The following CACNG7 variants were observed in gnomAD, a reference collection of about 807,000 sequenced individuals.
CACNG7 encodes voltage-dependent calcium channel gamma-7 subunit.
CACNG7 carries 9 observed loss-of-function variants against 26.3 expected under a neutral mutation model. The observed-to-expected ratio is 0.34, with a 90% confidence interval of 0.21 to 0.60. The LOEUF is 0.60. Ranked by LOEUF, CACNG7 falls within the 20% of genes least tolerant of loss-of-function variation. CACNG7 has a pLI of 0.81. For synonymous variants in CACNG7, 170 were observed against 157.0 expected, an observed-to-expected ratio of 1.08 and a Z score of -0.62; for missense variants, 297 against 380.4, an observed-to-expected ratio of 0.78 and a Z score of 1.82.
intron 4 of CACNG7, among the ~76,000 whole-genome samples, chr19:53,932,390 C>A (rs1162996418): frequency 1.3e-5 from 2 of 152,034 alleles, no homozygotes; most frequent in Non-Finnish European, 2.9e-5. Context: ...ATTGCCATGT[C>A]CTCTTCTGCA....
intron 4 of CACNG7, among the ~76,000 whole-genome samples, chr19:53,931,348 A>G (rs1299171333): frequency 2.0e-5 from 3 of 152,122 alleles, no homozygotes; most frequent in Non-Finnish European, 4.4e-5. Flanking sequence ...CTCTTTCCCT[A>G]GAACCAGGAT....
At chr19:53,935,272 A>G (rs2069097698) in intron 4 of CACNG7, among the ~76,000 whole-genome samples, 1 of 152,036 alleles carries the variant, frequency 6.6e-6, no homozygotes, top group South Asian at 2.1e-4. Flanking sequence ...ATAAAATACT[A>G]TAGCTAATAT....
chr19:53,925,506 C>A (rs1237466512), intron 4 of CACNG7, among the ~76,000 whole-genome samples: 1 of 148,904 alleles, frequency 6.7e-6, no homozygotes, highest in Non-Finnish European at 1.5e-5. Context: ...TGGACTTGCC[C>A]CAGGCTGGTC....
rs555284332 is a variant in CACNG7 at position 53,942,123 on chromosome 19, C to T, written c.658C>T (p.Arg220Cys). 1 of 1,614,010 alleles carries T rather than the reference C, an allele frequency of 6.2e-7. No homozygotes were observed. The highest frequency in any genetic ancestry group is 1.1e-5 in the South Asian group (1 of 91,076). ...TCCACACCCGGCCTTCTACCGCCCGCGTCTCAGCGACTGCTCCGACTACTC... is the reference window on the plus strand; with the variant it reads ...TCCACACCCGGCCTTCTACCGCCCGTGTCTCAGCGACTGCTCCGACTACTC... ...YRPHPAFYRP[R>C]LSDCSDYSGQ... The change falls in exon 6 of 6, where the codon CGT becomes TGT. Residue 220 changes from arginine to cysteine, a missense_variant. Arg to Cys is a radical substitution (Grantham distance 180). Coordinates refer to ENST00000391767, the MANE Select transcript of CACNG7 (RefSeq NM_031896.5). This position sits in a 1 kb window ranked among gnomAD's most constrained non-coding sequence, Gnocchi z 5.9.
At chr19:53,920,918 G>GGTCTGGTCATTGGTGGACTTGCCCCA (rs2068942213) in intron 4 of CACNG7, among the ~76,000 whole-genome samples, 1 of 121,018 alleles carries the variant, frequency 8.3e-6, no homozygotes, top group African/African-American at 3.6e-5. Context: ...GTTGTCCCCA[G>GGTCTGGTCATTGGTGGACTTGCCCCA]GTCTGGTCAT....
intron 2 of CACNG7, among the ~76,000 whole-genome samples, chr19:53,914,099 C>A (rs1367905720): frequency 6.6e-6 from 1 of 151,914 alleles, no homozygotes. Flanking sequence ...CATGGTGAAA[C>A]CCCGTCTCTA....
intron 4 of CACNG7, among the ~76,000 whole-genome samples, chr19:53,923,555 GT>G (rs1315018732): frequency 3.9e-5 from 5 of 128,442 alleles, no homozygotes; most frequent in East Asian, 4.9e-4. Flanking sequence ...GTTGTCCCAG[GT>G]CTGGTCATTG....
At chr19:53,925,190 G>C (rs1467145847) in intron 4 of CACNG7, among the ~76,000 whole-genome samples, 7 of 135,344 alleles carry the variant, frequency 5.2e-5, no homozygotes, top group African/African-American at 3.1e-5. Flanking sequence ...GTTGCCCCAG[G>C]TCTGGTCATT....
rs540825647 is a variant in CACNG7, at chr19:53,941,754, C to T, written c.570+139C>T. 5.8e-5 allele frequency: 65 copies of T among 1,121,462 alleles called. 1 individual carries two copies. The South Asian group carries it at 8.8e-4, about 15-fold the overall frequency. 69.5% of individuals were successfully genotyped at this position (1,121,462 alleles called of 1,614,324 possible). Reference sequence around the variant, plus strand: ...GGAGGTGGTAGCTGAGGGTCTAACCCCTGGGTCCTGGAGGAAGAGGGGTCT... The same window carrying T: ...GGAGGTGGTAGCTGAGGGTCTAACCTCTGGGTCCTGGAGGAAGAGGGGTCT... On this transcript the variant is annotated intron_variant, in intron 5 of 5. Transcript: ENST00000391767.
At chr19:53,914,152 T>C (rs2068878458) in intron 2 of CACNG7, among the ~76,000 whole-genome samples, 1 of 151,686 alleles carries the variant, frequency 6.6e-6, no homozygotes, top group African/African-American at 2.4e-5. Context: ...CGCATGCCTG[T>C]AGTCCCAGCT....
At chr19:53,934,448 T>G (rs1259865669) in intron 4 of CACNG7, among the ~76,000 whole-genome samples, 1 of 152,040 alleles carries the variant, frequency 6.6e-6, no homozygotes, top group Non-Finnish European at 1.5e-5. Flanking sequence ...CCATCAGAGC[T>G]CCCCATGGAA....
intron 1 of CACNG7, among the ~76,000 whole-genome samples, chr19:53,911,910 C>T (rs938692122): frequency 9.9e-5 from 15 of 152,118 alleles, no homozygotes; most frequent in Admixed American, 9.8e-4. Context: ...GTGTAAACTT[C>T]AGTGGGGGCC....
At position 53,914,546 on chromosome 19, in the gene CACNG7, G is replaced by A. The variant is rs139711961; in HGVS notation, c.243G>A (p.Pro81=). The A allele has an allele frequency of 1.4e-4, 219 of 1,614,088 alleles. No individual in the cohort carries two copies. The Middle Eastern group carries it at 3.1e-3, about 23-fold the overall frequency. ...TGGCCTCAGAATATTTTCTTGAACC[G>A]GAGATCAATTTGGTGACGGAAAACA... ...RCVASEYFLE[P]EINLVTENTE... Residue 81 remains proline, a synonymous_variant, in exon 3 of 6, where the codon CCG becomes CCA. Transcript: ENST00000391767.
At position 53,942,125 on chromosome 19, in the gene CACNG7, T is replaced by G; in HGVS notation, c.660T>G (p.Arg220=). Residue 220 remains arginine (R), a synonymous_variant, in exon 6 of 6, where the codon CGT becomes CGG. Coordinates refer to ENST00000391767, the MANE Select transcript of CACNG7 (RefSeq NM_031896.5). This position sits in a 1 kb window ranked among gnomAD's most constrained non-coding sequence, Gnocchi z 5.9. ...CACACCCGGCCTTCTACCGCCCGCG[T>G]CTCAGCGACTGCTCCGACTACTCGG... ...YRPHPAFYRP[R]LSDCSDYSGQ... is the part of the protein sequence containing the mutation. 1.9e-6 allele frequency: 3 copies of G among 1,613,946 alleles called. No homozygotes were observed. The highest frequency in any genetic ancestry group is 2.5e-6 in the Non-Finnish European group (3 of 1,179,930).
In CACNG7 at chr19:53,942,204, T is replaced by G; in HGVS notation, c.739T>G (p.Ser247Ala). 1 of 1,613,942 alleles carries G rather than the reference T, an allele frequency of 6.2e-7. No homozygotes were observed. Residue 247 changes from serine to alanine, a missense_variant, in exon 6 of 6, where the codon TCC becomes GCC. Ser to Ala is a moderately conservative substitution (Grantham distance 99). Transcript: ENST00000391767. The surrounding 1 kb of genome is among the most constrained non-coding windows in gnomAD (Gnocchi z 5.9). ...CCGCGGCCGGAGCCCCTCCGACATCTCCAGCGACGTGTCCATCCAAATGAC... is the reference window on the plus strand; with the variant it reads ...CCGCGGCCGGAGCCCCTCCGACATCGCCAGCGACGTGTCCATCCAAATGAC... ...WRRGRSPSDI[S>A]SDVSIQMTQN...
At chr19:53,920,804 GCCCCAGGCTGGTCATTGGTGGAGTTGT>G in intron 4 of CACNG7, among the ~76,000 whole-genome samples, 1 of 92,242 alleles carries the variant, frequency 1.1e-5, no homozygotes, top group South Asian at 3.9e-4. Flanking sequence ...TGGTGGACTT[GCCCCAGGCTGGTCATTGGTGGAGTTGT>G]CCCCAGGCCT....
chr19:53,931,604 C>T (rs2069071764), intron 4 of CACNG7, among the ~76,000 whole-genome samples: 1 of 144,622 alleles, frequency 6.9e-6, no homozygotes, highest in Admixed American at 7.3e-5. Context: ...AGGAGAATCG[C>T]TTGAACTCAG....
rs75722314 is a variant in CACNG7, at chr19:53,921,910, T to C, written c.424+6405T>C. Among the ~76,000 whole-genome samples, 303 of 61,226 alleles carry C rather than the reference T, an allele frequency of 4.9e-3. 40 individuals carry two copies. The highest frequency in any genetic ancestry group is 5.6e-3 in the Non-Finnish European group (192 of 34,230). The allele number at this position is 61,226 out of a possible 152,430, so 40.2% of individuals were successfully genotyped here. On this transcript the variant is annotated intron_variant, in intron 4 of 5. Coordinates refer to ENST00000391767, the MANE Select transcript of CACNG7 (RefSeq NM_031896.5). ...GGTCATTGGTGGAGTTGTCCCCAGGTCTGGTATTGGTGGAGTTGTCCCCAG... is the reference window on the plus strand; with the variant it reads ...GGTCATTGGTGGAGTTGTCCCCAGGCCTGGTATTGGTGGAGTTGTCCCCAG...
chr19:53,935,217 T>C (rs757536874), intron 4 of CACNG7, among the ~76,000 whole-genome samples: 1 of 152,194 alleles, frequency 6.6e-6, no homozygotes, highest in Non-Finnish European at 1.5e-5. Flanking sequence ...GGCATTCTTT[T>C]ACCTAACCAC....
Sources: gnomAD v4.1 joint callset for allele counts (sites outside exome capture counted in the v4.1 genomes callset) on GRCh38, gnomAD v4.1.1 for gene constraint, Gnocchi (gnomAD v3.1) non-coding constraint, MANE v1.5 for transcripts, NCBI Gene and HGNC (gene_info 2026-07-23, HGNC 2026-07-21) for gene names.